PLXDC2: variants seen among roughly 807,000 people sequenced by gnomAD.
PLXDC2 encodes the protein plexin domain-containing protein 2.
A neutral mutation model predicts 68.9 loss-of-function variants in PLXDC2; 40 were observed. The observed-to-expected ratio is 0.58, with a 90% CI of 0.45 to 0.76. The LOEUF (loss-of-function observed/expected upper bound fraction) is 0.76, where lower values mean the gene tolerates loss of function less well. Among genes scored for constraint, PLXDC2 ranks in the 30% least tolerant of loss-of-function variants. The pLI is 0.00. For synonymous variants in PLXDC2, 243 were observed against 234.2 expected (o/e 1.04, Z -0.34); for missense variants, 644 against 661.9 (o/e 0.97, Z 0.30).
intron 9 of PLXDC2, among the ~76,000 whole-genome samples, chr10:20,199,301 A>G (rs1035664859): frequency 6.6e-6 from 1 of 152,010 alleles, no homozygotes; most frequent in Admixed American, 6.6e-5. Flanking sequence ...TCATTTTACA[A>G]CATAAAAATA....
intron 4 of PLXDC2, among the ~76,000 whole-genome samples, chr10:20,116,079 C>A (rs1833617336): frequency 6.6e-6 from 1 of 152,202 alleles, no homozygotes; most frequent in African/African-American, 2.4e-5. Flanking sequence ...TCACGCTGCT[C>A]CTCTACAAAA....
chr10:20,289,102 T>C lies in PLXDC2; in HGVS notation c.*9283T>C, dbSNP rs1179350145. ...CGTTTTGTTTCCTTTCTTCCATTAG[T>C]GTTCAAAAGGTTCTACCCATTGTGG... On this transcript the variant is annotated 3_prime_UTR_variant, in exon 14 of 14. Coordinates refer to ENST00000377252, the MANE Select transcript of PLXDC2 (RefSeq NM_032812.9). The C allele has an allele frequency of 6.6e-6, 1 of 152,232 alleles. No individual in the cohort carries two copies. Among genetic ancestry groups the C allele is most frequent in the East Asian group, 1.9e-4 (1 of 5,192 alleles). The allele number at this position is 152,232 out of a possible 1,614,324, so 9.4% of individuals were successfully genotyped here.
chr10:20,126,355 ATG>A (rs1833779473), intron 4 of PLXDC2, among the ~76,000 whole-genome samples: 2 of 141,882 alleles, frequency 1.4e-5, no homozygotes, highest in Non-Finnish European at 3.0e-5. Context: ...ATATATACAT[ATG>A]TGTTATATAA....
chr10:19,937,564 A>ATATATATATATATATATT lies in PLXDC2; in HGVS notation c.113-64194_113-64193insTTATATATATATATATAT, dbSNP rs1554846758. On this transcript the variant is annotated intron_variant, in intron 1 of 13. Transcript: ENST00000377252. The stretch of plus-strand genomic sequence containing the variant: ...TCAATGTATATATATATATATATAT[A>ATATATATATATATATATT]TATATATATATATATATATTTGCAA... Among the ~76,000 whole-genome samples, 41 of 140,562 alleles carry ATATATATATATATATATT rather than the reference A, an allele frequency of 2.9e-4. 1 individual carries two copies. The highest frequency in any genetic ancestry group is 1.0e-3 in the African/African-American group (37 of 36,856). 92.2% of individuals were successfully genotyped at this position (140,562 alleles called of 152,430 possible).
chr10:19,955,028 G>T (rs549579027), intron 1 of PLXDC2, among the ~76,000 whole-genome samples: 15 of 151,112 alleles, frequency 9.9e-5, no homozygotes, highest in African/African-American at 3.4e-4. Context: ...GCTCTAGTTG[G>T]GCCTTCCTTG....
At chr10:19,883,591 G>T (rs981216370) in intron 1 of PLXDC2, among the ~76,000 whole-genome samples, 1 of 151,772 alleles carries the variant, frequency 6.6e-6, no homozygotes, top group Admixed American at 6.6e-5. Context: ...GAGAACTTAC[G>T]TCCCCTTTTC....
At chr10:20,256,132 A>G (rs937184952) in intron 13 of PLXDC2, among the ~76,000 whole-genome samples, 3 of 150,974 alleles carry the variant, frequency 2.0e-5, no homozygotes, top group African/African-American at 4.9e-5. Context: ...TTTTGTTTTT[A>G]TTTATTTATT....
intron 4 of PLXDC2, among the ~76,000 whole-genome samples, chr10:20,108,018 C>T (rs968387316): frequency 1.3e-5 from 2 of 152,070 alleles, no homozygotes; most frequent in Non-Finnish European, 2.9e-5. Context: ...TTTTATTAGA[C>T]TTTTTGGACT....
chr10:20,026,827 T>C (rs1835413001), intron 2 of PLXDC2, among the ~76,000 whole-genome samples: 1 of 139,486 alleles, frequency 7.2e-6, no homozygotes, highest in South Asian at 2.2e-4. Context: ...TATATTCTAA[T>C]ATATAGAATA....
intron 3 of PLXDC2, among the ~76,000 whole-genome samples, chr10:20,049,162 C>T (rs751563746): frequency 1.3e-5 from 2 of 151,946 alleles, no homozygotes; most frequent in Admixed American, 1.3e-4. Context: ...AATTCAACAC[C>T]CTTCATGTTA....
At chr10:20,194,282 T>G (rs1834808740) in intron 9 of PLXDC2, among the ~76,000 whole-genome samples, 1 of 151,282 alleles carries the variant, frequency 6.6e-6, no homozygotes, top group Non-Finnish European at 1.5e-5. Context: ...ATCATCTTGG[T>G]AACCTTGTAG....
chr10:19,884,423 T>G (rs1389523022), intron 1 of PLXDC2, among the ~76,000 whole-genome samples: 1 of 152,118 alleles, frequency 6.6e-6, no homozygotes, highest in Non-Finnish European at 1.5e-5. Flanking sequence ...TACATATGTA[T>G]ACATGTGACA....
chr10:20,175,012 CTAAG>C (rs1414983617), intron 7 of PLXDC2, among the ~76,000 whole-genome samples: 1 of 151,950 alleles, frequency 6.6e-6, no homozygotes, highest in Non-Finnish European at 1.5e-5. Context: ...TTAACTTTCT[CTAAG>C]TGAGGAATGG....
chr10:19,837,768 T>C (rs755580507), intron 1 of PLXDC2, among the ~76,000 whole-genome samples: 10 of 152,224 alleles, frequency 6.6e-5, no homozygotes, highest in Non-Finnish European at 1.3e-4. Context: ...TTAGGTCATT[T>C]ATCATTGTTT....
At chr10:19,885,607 G>A (rs1276997657) in intron 1 of PLXDC2, among the ~76,000 whole-genome samples, 1 of 151,498 alleles carries the variant, frequency 6.6e-6, no homozygotes, top group Non-Finnish European at 1.5e-5. Flanking sequence ...TTATTAAATA[G>A]GGAATCCTTT....
At chr10:20,209,796 G>T (rs570117102) in intron 9 of PLXDC2, among the ~76,000 whole-genome samples, 1 of 152,142 alleles carries the variant, frequency 6.6e-6, no homozygotes, top group Non-Finnish European at 1.5e-5. Flanking sequence ...AGCTTACGAA[G>T]ATGACAGGAT....
chr10:20,287,626 T>C lies in PLXDC2; in HGVS notation c.*7807T>C, dbSNP rs1292460033. On this transcript the variant is annotated 3_prime_UTR_variant, in exon 14 of 14. Coordinates refer to ENST00000377252, the MANE Select transcript of PLXDC2 (RefSeq NM_032812.9). ...AAATAACATTAGGCAACATCAGAGCTTCACTTGCAAAGAAATGTTAAAATC... is the reference window on the plus strand; with the variant it reads ...AAATAACATTAGGCAACATCAGAGCCTCACTTGCAAAGAAATGTTAAAATC... The C allele has an allele frequency of 2.6e-5, 4 of 152,166 alleles. No homozygotes were observed. Among genetic ancestry groups the C allele is most frequent in the African/African-American group, 9.7e-5 (4 of 41,440 alleles). The allele number at this position is 152,166 out of a possible 1,614,324, so 9.4% of individuals were successfully genotyped here. A position where few individuals can be genotyped will look rare whatever the true frequency, so the allele number is the denominator to read the frequency against.
intron 4 of PLXDC2, among the ~76,000 whole-genome samples, chr10:20,102,373 A>G (rs1833435224): frequency 6.6e-6 from 1 of 152,138 alleles, no homozygotes; most frequent in African/African-American, 2.4e-5. Flanking sequence ...TAAAAAGAAC[A>G]CTCTTTCATG....
intron 1 of PLXDC2, among the ~76,000 whole-genome samples, chr10:19,954,975 A>C (rs1026743408): frequency 2.0e-5 from 3 of 151,758 alleles, no homozygotes; most frequent in African/African-American, 7.3e-5. Context: ...CTTTCTCACA[A>C]ATTCCTAACT....
Sources: gnomAD v4.1 joint callset for allele counts (sites outside exome capture counted in the v4.1 genomes callset) on GRCh38, gnomAD v4.1.1 for gene constraint, MANE v1.5 for transcripts, NCBI Gene and HGNC (gene_info 2026-07-23, HGNC 2026-07-21) for gene names.